FAM171A1: variants seen among roughly 807,000 people sequenced by gnomAD.
The protein encoded by FAM171A1 is protein FAM171A1.
Under a neutral mutation model 74.9 loss-of-function variants are expected in FAM171A1, and 23 were observed. That is an observed-to-expected ratio of 0.31 (90% CI 0.22 to 0.44). The LOEUF (loss-of-function observed/expected upper bound fraction) is 0.44, where lower values mean the gene tolerates loss of function less well. FAM171A1 is among the 20% of genes least tolerant of loss of function. The pLI, the probability that FAM171A1 is intolerant of heterozygous loss-of-function variation, is 1.00. For synonymous variants in FAM171A1, 527 were observed against 505.7 expected (o/e 1.04, Z -0.57); for missense variants, 1,162 against 1,159.2 (o/e 1.00, Z -0.03).
intron 4 of FAM171A1, among the ~76,000 whole-genome samples, chr10:15,253,834 T>A (rs1054310669): frequency 6.6e-6 from 1 of 152,158 alleles, no homozygotes; most frequent in Non-Finnish European, 1.5e-5. Context: ...TGACACCTCT[T>A]CCACCAGGAG....
intron 1 of FAM171A1, among the ~76,000 whole-genome samples, chr10:15,285,201 A>C (rs2131810630): frequency 6.6e-6 from 1 of 152,312 alleles, no homozygotes; most frequent in African/African-American, 2.4e-5. Flanking sequence ...GCATGTGTGG[A>C]GGCTTAGAGG....
At chr10:15,301,022 C>A (rs928513205) in intron 1 of FAM171A1, among the ~76,000 whole-genome samples, 2 of 152,164 alleles carry the variant, frequency 1.3e-5, no homozygotes, top group Non-Finnish European at 2.9e-5. Flanking sequence ...TTCTCTCTCT[C>A]ATACCCACTG....
intron 3 of FAM171A1, among the ~76,000 whole-genome samples, chr10:15,255,170 C>T (rs1209515166): frequency 6.6e-6 from 1 of 152,214 alleles, no homozygotes; most frequent in African/African-American, 2.4e-5. Context: ...CACTGCCCAG[C>T]ATTTGCCTGT....
At chr10:15,287,377 C>T in intron 1 of FAM171A1, among the ~76,000 whole-genome samples, 1 of 150,826 alleles carries the variant, frequency 6.6e-6, no homozygotes, top group Non-Finnish European at 1.5e-5. Flanking sequence ...CAGGTGTGAC[C>T]CACCGCGCCG....
At chr10:15,307,801 G>C (rs1388707718) in intron 1 of FAM171A1, among the ~76,000 whole-genome samples, 6 of 147,960 alleles carry the variant, frequency 4.1e-5, no homozygotes, top group African/African-American at 1.5e-4. Context: ...GGCAATGTGG[G>C]GGAATTAATG....
chr10:15,216,101 A>G lies in FAM171A1; in HGVS notation c.881T>C (p.Val294Ala), dbSNP rs1833963503. The G allele has an allele frequency of 6.3e-7, 1 of 1,591,690 alleles. No individual in the cohort carries two copies. The highest frequency in any genetic ancestry group is 1.4e-5 in the African/African-American group (1 of 73,542). ...GTGATACGTGGTAATGTCCTGTGTT[A>G]CAACGGGACCTAGAAGGTCAGAAAA... is the stretch of plus-strand genomic sequence containing the variant. ...AMSPPIPGPV[V>A]TQDITTYHTV... Residue 294 changes from valine to alanine, a missense_variant, in exon 7 of 8, where the codon GTA becomes GCA. By Grantham distance (64) the Val-to-Ala change is moderately conservative. Transcript: ENST00000378116.
upstream of FAM171A1, among the ~76,000 whole-genome samples, chr10:15,372,301 G>C (rs1836159689): frequency 2.0e-5 from 3 of 152,084 alleles, no homozygotes; most frequent in African/African-American, 7.2e-5. Context: ...GGCTAAAGAG[G>C]GTTAAGGAAT....
intron 1 of FAM171A1, among the ~76,000 whole-genome samples, chr10:15,288,517 T>C (rs1835065223): frequency 1.3e-5 from 2 of 152,172 alleles, no homozygotes; most frequent in South Asian, 4.1e-4. Flanking sequence ...AAATCCTGCA[T>C]TGATGATTTA....
rs139560765 is a variant in FAM171A1 at position 15,256,991 on chromosome 10, T to C, written c.419-2112A>G. ...TTTTTCAATGATCAGGAAATATATG[T>C]TATCTACTGGTTTTCCGGCTAAATA... On this transcript the variant is annotated intron_variant, in intron 3 of 7. Coordinates refer to ENST00000378116, the MANE Select transcript of FAM171A1 (RefSeq NM_001010924.2). 2.0e-5 allele frequency among the ~76,000 whole-genome samples: 3 copies of C among 152,356 alleles called. No homozygotes were observed. In the East Asian group the frequency reaches 5.8e-4, roughly 29 times the overall value.
intron 3 of FAM171A1, among the ~76,000 whole-genome samples, chr10:15,255,751 G>A (rs1237362835): frequency 1.3e-5 from 2 of 151,524 alleles, no homozygotes; most frequent in Admixed American, 1.3e-4. Flanking sequence ...CCGTTCAAGC[G>A]ATTCCCCTGC....
intron 1 of FAM171A1, among the ~76,000 whole-genome samples, chr10:15,342,981 T>C (rs1019945088): frequency 1.3e-5 from 2 of 152,130 alleles, no homozygotes; most frequent in Non-Finnish European, 2.9e-5. Flanking sequence ...ACACCCCACA[T>C]TGGCACTGGG....
chr10:15,232,291 A>G (rs1042216661), intron 5 of FAM171A1, among the ~76,000 whole-genome samples: 2 of 151,890 alleles, frequency 1.3e-5, no homozygotes, highest in Non-Finnish European at 2.9e-5. Flanking sequence ...CTCAAATGTC[A>G]CTTCTCCAAA....
chr10:15,279,895 A>AAAAAC (rs1268302327), intron 2 of FAM171A1, among the ~76,000 whole-genome samples: 7 of 138,602 alleles, frequency 5.1e-5, no homozygotes, highest in South Asian at 2.3e-4. Context: ...CTCTGTCTTG[A>AAAAAC]AAAATAAAAC....
At position 15,214,022 on chromosome 10, in the gene FAM171A1, C is replaced by A. The variant is rs773613941; in HGVS notation, c.1566G>T (p.Ala522=). The A allele has an allele frequency of 9.9e-6, 16 of 1,614,024 alleles. No homozygotes were observed. Among genetic ancestry groups the A allele is most frequent in the Non-Finnish European group, 1.3e-5 (15 of 1,180,030 alleles). Residue 522 remains alanine (A), a synonymous_variant, in exon 8 of 8, where the codon GCG becomes GCT. Coordinates refer to ENST00000378116, the MANE Select transcript of FAM171A1 (RefSeq NM_001010924.2). ...GCTGTTCTTTCTCAGGTGATGAAGG[C>A]GCGGGGTACAGATGTTCCTGAATGG... ...KLTIQEHLYP[A]PSSPEKEQLL... is the part of the protein sequence containing the mutation.
intron 4 of FAM171A1, among the ~76,000 whole-genome samples, chr10:15,250,464 C>A (rs1834493391): frequency 6.6e-6 from 1 of 152,208 alleles, no homozygotes; most frequent in South Asian, 2.1e-4. Context: ...ATGGAACTTA[C>A]AACTACAGAA....
intron 1 of FAM171A1, among the ~76,000 whole-genome samples, chr10:15,288,873 A>C (rs1835071171): frequency 8.4e-6 from 1 of 118,724 alleles, no homozygotes; most frequent in Admixed American, 1.2e-4. Flanking sequence ...CCCAGGCTGG[A>C]GTGCAATGGC....
intron 4 of FAM171A1, among the ~76,000 whole-genome samples, chr10:15,249,664 T>C (rs1834483821): frequency 6.6e-6 from 1 of 152,220 alleles, no homozygotes; most frequent in African/African-American, 2.4e-5. Context: ...AAGTATGCTA[T>C]TGAGGACTGG....
chr10:15,308,778 C>T (rs1835325985), intron 1 of FAM171A1, among the ~76,000 whole-genome samples: 1 of 152,176 alleles, frequency 6.6e-6, no homozygotes, highest in Non-Finnish European at 1.5e-5. Context: ...GGTTGCAAAG[C>T]CACATTAAGG....
intron 1 of FAM171A1, among the ~76,000 whole-genome samples, chr10:15,370,668 A>G (rs1836130321): frequency 6.6e-6 from 1 of 150,952 alleles, no homozygotes; most frequent in Non-Finnish European, 1.5e-5. Context: ...CATCCAGACG[A>G]GCCCCCGCCG....
Sources: gnomAD v4.1 joint callset for allele counts (sites outside exome capture counted in the v4.1 genomes callset) on GRCh38, gnomAD v4.1.1 for gene constraint, MANE v1.5 for transcripts, NCBI Gene and HGNC (gene_info 2026-07-23, HGNC 2026-07-21) for gene names.